Variants in IGSF11 observed in about 807,000 individuals in gnomAD.
IGSF11 encodes CXADR like 1.
Under a neutral mutation model 41.0 loss-of-function variants are expected in IGSF11, and 22 were observed. The ratio of observed to expected loss-of-function variants is 0.54; its 90% CI spans 0.38 to 0.77. The LOEUF (loss-of-function observed/expected upper bound fraction) is 0.77. Among genes scored for constraint, IGSF11 ranks in the 30% least tolerant of loss-of-function variants. IGSF11 has a pLI of 0.00. For missense variants in IGSF11, 444 were observed against 530.8 expected (o/e 0.84, Z 1.61); for synonymous variants, 219 against 201.3 (o/e 1.09, Z -0.74).
upstream of IGSF11, among the ~76,000 whole-genome samples, chr3:119,105,903 T>C (rs1373064687): frequency 6.6e-6 from 1 of 152,164 alleles, no homozygotes; most frequent in Non-Finnish European, 1.5e-5. Flanking sequence ...ACTTCTTTTC[T>C]TTTTTATACT....
At chr3:118,904,852 T>C (rs1939380846) in intron 5 of IGSF11, 54 bp from the exon 6 acceptor site, 2 of 1,433,666 alleles carry the variant, frequency 1.4e-6, no homozygotes, top group Non-Finnish European at 1.9e-6. Context: ...AGAAATAGCA[T>C]ATACCCATGC....
chr3:118,907,092 T>C (rs1030070615), intron 4 of IGSF11, among the ~76,000 whole-genome samples: 4 of 149,998 alleles, frequency 2.7e-5, no homozygotes, highest in Non-Finnish European at 5.9e-5. Context: ...AAAAATATTC[T>C]GACACAAAGT....
intron 1 of IGSF11, among the ~76,000 whole-genome samples, chr3:119,031,346 A>C (rs1463652974): frequency 6.6e-6 from 1 of 152,198 alleles, no homozygotes; most frequent in African/African-American, 2.4e-5. Context: ...CTTTCTCCCA[A>C]CTCAGTAAGT....
Position 118,902,733 on chromosome 3 carries a change from C to T in IGSF11, c.1083G>A (p.Gly361=), listed in dbSNP as rs1939049284. ...TATGTTGACCCGGGACCAGATGGGT[C>T]CCATTAGCATAAATGGATGGTATGT... is the stretch of plus-strand genomic sequence containing the variant. ...NANIPSIYAN[G]THLVPGQHKT... is the part of the protein sequence containing the mutation. Residue 361 remains glycine, a synonymous_variant, in exon 7 of 7, where the codon GGG becomes GGA. Transcript: ENST00000393775. 6 of 1,613,970 alleles carry T rather than the reference C, an allele frequency of 3.7e-6. No homozygotes were observed. Among genetic ancestry groups the T allele is most frequent in the South Asian group, 2.2e-5 (2 of 91,074 alleles).
chr3:119,101,272 G>A (rs551711320), intron 1 of IGSF11, among the ~76,000 whole-genome samples: 28 of 152,276 alleles, frequency 1.8e-4, no homozygotes, highest in African/African-American at 6.5e-4. Flanking sequence ...CACTTTGGGA[G>A]GCCAAGGTGG....
At chr3:119,137,986 T>G (rs1305578121) in intron 1 of IGSF11, among the ~76,000 whole-genome samples, 1 of 152,014 alleles carries the variant, frequency 6.6e-6, no homozygotes, top group Non-Finnish European at 1.5e-5. Context: ...ATCAGAGAAA[T>G]GCAAATCAAA....
intron 1 of IGSF11, among the ~76,000 whole-genome samples, chr3:118,949,501 A>C (rs1224543848): frequency 6.6e-6 from 1 of 152,048 alleles, no homozygotes; most frequent in East Asian, 1.9e-4. Flanking sequence ...AAATCTAAAC[A>C]CTCCATAGTT....
At chr3:118,968,841 T>C (rs1463570730) in intron 1 of IGSF11, among the ~76,000 whole-genome samples, 1 of 152,242 alleles carries the variant, frequency 6.6e-6, no homozygotes, top group East Asian at 1.9e-4. Context: ...GTCAGCTTTG[T>C]TGTACTTGTC....
At chr3:119,007,549 T>G (rs1937587538) in intron 1 of IGSF11, among the ~76,000 whole-genome samples, 1 of 152,134 alleles carries the variant, frequency 6.6e-6, no homozygotes, top group African/African-American at 2.4e-5. Flanking sequence ...GGCAAACACC[T>G]CATTTTTTAT....
At chr3:119,116,369 T>C (rs1237892288) in intron 1 of IGSF11, among the ~76,000 whole-genome samples, 1 of 152,182 alleles carries the variant, frequency 6.6e-6, no homozygotes. Flanking sequence ...ACTGGAATTA[T>C]ACCACTGGAT....
At chr3:118,982,283 C>A (rs1934809418) in intron 1 of IGSF11, among the ~76,000 whole-genome samples, 1 of 152,134 alleles carries the variant, frequency 6.6e-6, no homozygotes, top group Non-Finnish European at 1.5e-5. Context: ...GACCACAATA[C>A]CAAATTAGAG....
At chr3:119,083,747 C>A (rs1220851871) in intron 1 of IGSF11, among the ~76,000 whole-genome samples, 1 of 152,192 alleles carries the variant, frequency 6.6e-6, no homozygotes, top group African/African-American at 2.4e-5. Context: ...AAAAGTATAG[C>A]ACATACAATT....
chr3:119,065,304 T>C (rs960345016), intron 1 of IGSF11, among the ~76,000 whole-genome samples: 9 of 152,236 alleles, frequency 5.9e-5, no homozygotes, highest in Non-Finnish European at 1.0e-4. Flanking sequence ...ATATAGATTG[T>C]CTTCACTGAT....
Position 119,092,815 on chromosome 3 carries a change from T to C in IGSF11, c.49+12329A>G, listed in dbSNP as rs151190980. Among the ~76,000 whole-genome samples the C allele has an allele frequency of 5.5e-3, 838 of 152,326 alleles. 5 individuals are homozygous for C. The highest frequency in any genetic ancestry group is 0.01 in the East Asian group (52 of 5,176). On this transcript the variant is annotated intron_variant, in intron 1 of 6. Transcript: ENST00000354673. Reference sequence around the variant, plus strand: ...TACCATATTTTTGTTGTACTTTTTCTATGTTTGGATACACTAATACTTACC... The same window carrying C: ...TACCATATTTTTGTTGTACTTTTTCCATGTTTGGATACACTAATACTTACC...
chr3:118,982,454 T>C (rs747520496), intron 1 of IGSF11, among the ~76,000 whole-genome samples: 1 of 152,190 alleles, frequency 6.6e-6, no homozygotes, highest in Non-Finnish European at 1.5e-5. Context: ...AATAAAATTA[T>C]TAATGACCAC....
intron 1 of IGSF11, among the ~76,000 whole-genome samples, chr3:119,029,315 C>T (rs1268445823): frequency 6.6e-6 from 1 of 151,456 alleles, no homozygotes; most frequent in Non-Finnish European, 1.5e-5. Context: ...AGCGGGCAAG[C>T]ACAGGAGGAG....
At chr3:118,951,861 TTG>T (rs2107583353) in intron 1 of IGSF11, among the ~76,000 whole-genome samples, 1 of 152,298 alleles carries the variant, frequency 6.6e-6, no homozygotes, top group South Asian at 2.1e-4. Flanking sequence ...TGTTTTATCA[TTG>T]TGTTTTTTTA....
chr3:118,986,405 T>A (rs181642117), intron 1 of IGSF11, among the ~76,000 whole-genome samples: 5 of 152,324 alleles, frequency 3.3e-5, no homozygotes, highest in Admixed American at 3.3e-4. Context: ...TGAACTGAAT[T>A]TTATTCATTA....
intron 1 of IGSF11, among the ~76,000 whole-genome samples, chr3:119,087,389 CACACACACACACAT>C (rs1404873956): frequency 6.7e-6 from 1 of 149,678 alleles, no homozygotes; most frequent in Non-Finnish European, 1.5e-5. Context: ...CACACACACA[CACACACACACACAT>C]ACACACACAC....
Sources: allele counts gnomAD v4.1 joint callset (sites outside exome capture counted in the v4.1 genomes callset), GRCh38; gene constraint gnomAD v4.1.1; transcripts MANE v1.5; gene names NCBI Gene and HGNC (gene_info 2026-07-23, HGNC 2026-07-21).